The following CHST8 variants were observed in gnomAD, a reference collection of about 807,000 sequenced individuals.
The protein encoded by CHST8 is carbohydrate sulfotransferase 8, also known as GALNAC-4-ST1.
CHST8 carries 10 observed loss-of-function variants against 15.0 expected under a neutral mutation model. That is an observed-to-expected ratio of 0.67 (90% CI 0.41 to 1.13). CHST8 has a LOEUF of 1.13. Among genes scored for constraint, CHST8 ranks in the 50% most tolerant of loss-of-function variants. CHST8 has a pLI of 0.00. For missense variants in CHST8, 634 were observed against 608.2 expected (o/e 1.04, Z -0.45); for synonymous variants, 259 against 256.6 (o/e 1.01, Z -0.09).
At chr19:33,622,484 T>C (rs1050868717) in intron 1 of CHST8, among the ~76,000 whole-genome samples, 188 bp downstream of exon 1, 4 of 152,162 alleles carry the variant, frequency 2.6e-5, no homozygotes, top group African/African-American at 9.6e-5. Context: ...TGGTTGCACT[T>C]TGGGGACCGG....
intron 1 of CHST8, among the ~76,000 whole-genome samples, chr19:33,633,470 C>T (rs1972150438): frequency 6.6e-6 from 1 of 152,170 alleles, no homozygotes; most frequent in African/African-American, 2.4e-5. Flanking sequence ...CAGCTCACTG[C>T]AGCCTTGAAC....
At chr19:33,739,103 T>C (rs1285940104) in intron 3 of CHST8, among the ~76,000 whole-genome samples, 2 of 152,198 alleles carry the variant, frequency 1.3e-5, no homozygotes, top group Non-Finnish European at 2.9e-5. Flanking sequence ...TACACGGTTT[T>C]AACTTGACTC....
At chr19:33,725,693 G>C (rs1242377741) in intron 3 of CHST8, among the ~76,000 whole-genome samples, 1 of 152,252 alleles carries the variant, frequency 6.6e-6, no homozygotes, top group African/African-American at 2.4e-5. Flanking sequence ...CGGCACAGAG[G>C]TGTGATGAAA....
rs1975010360 is a variant in CHST8, at chr19:33,772,365, C to G, written c.577C>G (p.Leu193Val). The change falls in exon 5 of 5, where the codon CTC (leucine) becomes GTC (valine). Residue 193 changes from leucine (L) to valine (V), a missense_variant. Physicochemically the swap from Leu to Val is conservative, Grantham distance 32. Transcript: ENST00000650847. ...CTTCGTGGAGGACCGCCACCGCGTG[C>G]TCTACTGCGAGGTGCCCAAGGCCGG... Reference protein sequence around the residue: ...RIFVEDRHRVLYCEVPKAGCS... With the variant: ...RIFVEDRHRVVYCEVPKAGCS... The G allele has an allele frequency of 6.2e-7, 1 of 1,608,068 alleles. No individual in the cohort carries two copies. The highest frequency in any genetic ancestry group is 8.5e-7 in the Non-Finnish European group (1 of 1,179,264).
intron 3 of CHST8, among the ~76,000 whole-genome samples, chr19:33,734,916 T>A (rs1358259484): frequency 1.3e-5 from 2 of 152,156 alleles, no homozygotes; most frequent in African/African-American, 4.8e-5. Context: ...GACCCCAGCA[T>A]CAAGCTGAAC....
At chr19:33,749,656 G>C (rs910247991) in intron 3 of CHST8, among the ~76,000 whole-genome samples, 1 of 151,982 alleles carries the variant, frequency 6.6e-6, no homozygotes, top group African/African-American at 2.4e-5. Flanking sequence ...ACTTGGGCAG[G>C]TCCTGCAGCC....
At chr19:33,642,405 C>T (rs978453126) in intron 1 of CHST8, among the ~76,000 whole-genome samples, 3 of 152,138 alleles carry the variant, frequency 2.0e-5, no homozygotes, top group Non-Finnish European at 4.4e-5. Context: ...CTCTGTCGCC[C>T]AGGCTGGAGC....
chr19:33,672,283 T>G (rs562543683), intron 2 of CHST8, among the ~76,000 whole-genome samples: 173 of 152,088 alleles, frequency 1.1e-3, no homozygotes, highest in Non-Finnish European at 2.1e-3. Context: ...CAGCAACCTC[T>G]GCCTTCCAAG....
Position 33,634,074 on chromosome 19 carries a change from C to A in CHST8, c.-164+11778C>A, listed in dbSNP as rs11882526. On this transcript the variant is annotated intron_variant, in intron 1 of 4. Coordinates refer to ENST00000650847, the MANE Select transcript of CHST8 (RefSeq NM_001127895.2). ...GGCTTAAGCGATCCTCCCGCCTTGG[C>A]CTCCCAAAGTCCTGGGATTACAGGC... Among the ~76,000 whole-genome samples the A allele has an allele frequency of 6.3e-3, 954 of 152,258 alleles. 9 individuals carry two copies. Among genetic ancestry groups the A allele is most frequent in the African/African-American group, 0.022 (906 of 41,542 alleles).
intron 3 of CHST8, among the ~76,000 whole-genome samples, chr19:33,728,881 A>G (rs1193345625): frequency 1.3e-5 from 2 of 152,212 alleles, no homozygotes; most frequent in Non-Finnish European, 2.9e-5. Flanking sequence ...AGACTCAGTC[A>G]TGAGGACAGA....
chr19:33,757,722 T>A (rs1974631984), intron 3 of CHST8, among the ~76,000 whole-genome samples: 1 of 151,700 alleles, frequency 6.6e-6, no homozygotes, highest in African/African-American at 2.4e-5. Context: ...AGGTTTGGTG[T>A]CTTTTTTTAA....
At chr19:33,679,464 C>T (rs1281245483) in intron 2 of CHST8, among the ~76,000 whole-genome samples, 2 of 152,142 alleles carry the variant, frequency 1.3e-5, no homozygotes, top group Non-Finnish European at 2.9e-5. Flanking sequence ...AGATAATTGC[C>T]AAGAAGTAAG....
Position 33,771,455 on chromosome 19 carries a change from G to A in CHST8, c.168+5G>A. 1 of 1,614,040 alleles carries A rather than the reference G, an allele frequency of 6.2e-7. No homozygotes were observed. Among genetic ancestry groups the A allele is most frequent in the Non-Finnish European group, 8.5e-7 (1 of 1,179,930 alleles). On this transcript the variant is annotated splice_donor_5th_base_variant and intron_variant, in intron 4 of 4. Transcript: ENST00000650847. ...AGGCCAAGGCAGCCCCACCACGTAA[G>A]TTCTGAGAGTCAGATAAATCTCAGT...
intron 3 of CHST8, among the ~76,000 whole-genome samples, chr19:33,759,069 T>C (rs571974071): frequency 1.3e-5 from 2 of 152,244 alleles, no homozygotes; most frequent in South Asian, 4.2e-4. Context: ...TGAGAATTCA[T>C]TCACTATTAC....
At chr19:33,699,702 A>G (rs1369541997) in intron 3 of CHST8, among the ~76,000 whole-genome samples, 3 of 152,092 alleles carry the variant, frequency 2.0e-5, no homozygotes, top group Non-Finnish European at 4.4e-5. Flanking sequence ...TCCTGGAGGC[A>G]GCGCTGTGTT....
At chr19:33,714,478 AC>A (rs1428638357) in intron 3 of CHST8, among the ~76,000 whole-genome samples, 1 of 152,182 alleles carries the variant, frequency 6.6e-6, no homozygotes, top group African/African-American at 2.4e-5. Context: ...GGTATGATAG[AC>A]ATTGGAGACT....
chr19:33,764,634 G>A (rs976604699), intron 3 of CHST8, among the ~76,000 whole-genome samples: 1 of 152,186 alleles, frequency 6.6e-6, no homozygotes, highest in Non-Finnish European at 1.5e-5. Flanking sequence ...TGTAAACTGT[G>A]ACCTTGTAGG....
intron 3 of CHST8, among the ~76,000 whole-genome samples, chr19:33,729,332 C>T (rs945240146): frequency 6.6e-6 from 1 of 152,226 alleles, no homozygotes; most frequent in Admixed American, 6.5e-5. Flanking sequence ...CCCTCAGTTC[C>T]TTGCCATGTG....
intron 1 of CHST8, among the ~76,000 whole-genome samples, chr19:33,662,551 C>T (rs1299564227): frequency 6.6e-6 from 1 of 152,184 alleles, no homozygotes; most frequent in African/African-American, 2.4e-5. Flanking sequence ...ACTGTCTTTG[C>T]CCCACGGGGA....
Sources: gnomAD v4.1 joint callset for allele counts (sites outside exome capture counted in the v4.1 genomes callset) on GRCh38, gnomAD v4.1.1 for gene constraint, MANE v1.5 for transcripts, NCBI Gene and HGNC (gene_info 2026-07-23, HGNC 2026-07-21) for gene names.